Variants in PRTG observed in about 807,000 individuals in gnomAD.
PRTG encodes the protein protogenin.
A neutral mutation model predicts 122.5 loss-of-function variants in PRTG; 67 were observed. The observed-to-expected ratio is 0.55, with a 90% CI of 0.45 to 0.67. The LOEUF is 0.67. Ranked by LOEUF, PRTG falls within the 30% of genes least tolerant of loss-of-function variation. The pLI is 0.00. For synonymous variants in PRTG, 554 were observed against 501.1 expected, an observed-to-expected ratio of 1.11 and a Z score of -1.41; for missense variants, 1,435 against 1,415.4, an observed-to-expected ratio of 1.01 and a Z score of -0.22.
At chr15:55,686,846 T>A (rs1228559686) in intron 2 of PRTG, among the ~76,000 whole-genome samples, 1 of 152,242 alleles carries the variant, frequency 6.6e-6, no homozygotes, top group Non-Finnish European at 1.5e-5. Context: ...TTGGTCCCTT[T>A]GTCCACCTGA....
chr15:55,680,006 A>T (rs888016324), intron 6 of PRTG, 48 bp downstream of exon 6: 1 of 1,511,388 alleles, frequency 6.6e-7, no homozygotes, highest in Non-Finnish European at 9.1e-7. Flanking sequence ...TAAAACGGCA[A>T]ATGTTAAAAT....
chr15:55,716,736 C>T (rs1281398106), intron 2 of PRTG, among the ~76,000 whole-genome samples: 1 of 152,168 alleles, frequency 6.6e-6, no homozygotes, highest in African/African-American at 2.4e-5. Flanking sequence ...CACCACTCAG[C>T]AGTTATCTTA....
At chr15:55,687,735 C>G (rs1030756292) in intron 2 of PRTG, among the ~76,000 whole-genome samples, 4 of 152,162 alleles carry the variant, frequency 2.6e-5, no homozygotes, top group African/African-American at 9.7e-5. Flanking sequence ...TTAATCCTCA[C>G]AAACACCTTT....
At position 55,620,702 on chromosome 15, in the gene PRTG, C is replaced by T; in HGVS notation, c.3159G>A (p.Trp1053Ter). Residue 1053 changes from tryptophan (W) to a stop codon, truncating the protein, a stop_gained, in exon 19 of 20, where the codon TGG (tryptophan) becomes TGA (stop). Coordinates refer to ENST00000389286, the MANE Select transcript of PRTG (RefSeq NM_173814.6). LOFTEE classifies it high-confidence loss of function. Reference protein sequence around the residue: ...PIIKNNSKKKWFFFQDSKKIQ... With the variant: ...PIIKNNSKKK Reference sequence around the variant, plus strand: ...TCTTCTTTGAGTCTTGGAAAAAAAACCACTTTTTCTTAGAGTTGTTTTTAA... The same window carrying T: ...TCTTCTTTGAGTCTTGGAAAAAAAATCACTTTTTCTTAGAGTTGTTTTTAA... 6.2e-7 allele frequency: 1 copy of T among 1,601,808 alleles called. No individual in the cohort carries two copies. The highest frequency in any genetic ancestry group is 8.5e-7 in the Non-Finnish European group (1 of 1,177,160).
At chr15:55,669,483 G>A (rs1431499501) in intron 11 of PRTG, among the ~76,000 whole-genome samples, 2 of 152,146 alleles carry the variant, frequency 1.3e-5, no homozygotes, top group Non-Finnish European at 2.9e-5. Context: ...ATGGTCAGTT[G>A]TCCAGTTAAC....
chr15:55,637,230 T>C lies in PRTG; in HGVS notation c.2563A>G (p.Ile855Val). The change falls in exon 15 of 20, where the codon ATC (isoleucine) becomes GTC (valine). Residue 855 changes from isoleucine to valine, a missense_variant. Ile to Val is a conservative substitution (Grantham distance 29). Transcript: ENST00000389286. Reference protein sequence around the residue: ...GPETVVTRYTILYASRKAWIA... With the variant: ...GPETVVTRYTVLYASRKAWIA... ...CAGGCCTTCCTAGATGCATATAAGA[T>C]AGTATAGCGGGTCACAACTGTTTCT... 6.2e-7 allele frequency: 1 copy of C among 1,613,876 alleles called. No individual in the cohort carries two copies. The highest frequency in any genetic ancestry group is 1.3e-5 in the African/African-American group (1 of 75,004).
At chr15:55,683,970 G>T in intron 2 of PRTG, 39 bp from the exon 3 acceptor site, 1 of 1,559,992 alleles carries the variant, frequency 6.4e-7, no homozygotes, top group Non-Finnish European at 8.8e-7. Flanking sequence ...ATAAGTGCAT[G>T]AAAATAACAC....
intron 16 of PRTG, among the ~76,000 whole-genome samples, chr15:55,627,464 C>T (rs964724217): frequency 3.3e-5 from 5 of 149,870 alleles, no homozygotes; most frequent in Non-Finnish European, 4.4e-5. Context: ...GCTGGGACTA[C>T]AGGCACCCAC....
intron 15 of PRTG, among the ~76,000 whole-genome samples, chr15:55,633,372 A>G (rs908017745): frequency 1.3e-5 from 2 of 151,992 alleles, no homozygotes; most frequent in African/African-American, 2.4e-5. Context: ...ACCACGCCCT[A>G]TAATTTTTTA....
intron 2 of PRTG, among the ~76,000 whole-genome samples, chr15:55,712,091 AAGGCATCCCC>A (rs1465929082): frequency 6.6e-6 from 1 of 152,226 alleles, no homozygotes; most frequent in Non-Finnish European, 1.5e-5. Flanking sequence ...TGAAGCAATG[AAGGCATCCCC>A]AGGCCTCAAA....
intron 11 of PRTG, among the ~76,000 whole-genome samples, chr15:55,663,044 CT>C (rs2059418621): frequency 6.6e-6 from 1 of 152,214 alleles, no homozygotes; most frequent in Admixed American, 6.5e-5. Flanking sequence ...GGTCTTACTT[CT>C]CAAAGCCCTA....
chr15:55,622,138 A>C, intron 18 of PRTG, among the ~76,000 whole-genome samples: 1 of 143,320 alleles, frequency 7.0e-6, no homozygotes, highest in Admixed American at 7.1e-5. Context: ...CATCCTCCCC[A>C]CTCTGCTTCT....
intron 12 of PRTG, among the ~76,000 whole-genome samples, chr15:55,640,592 G>T (rs1280804431): frequency 6.6e-6 from 1 of 152,114 alleles, no homozygotes; most frequent in Non-Finnish European, 1.5e-5. Context: ...TAAAAAATTT[G>T]GTATGTAGAT....
chr15:55,720,429 G>A (rs1175063186), intron 2 of PRTG, among the ~76,000 whole-genome samples: 3 of 152,088 alleles, frequency 2.0e-5, no homozygotes, highest in Non-Finnish European at 2.9e-5. Context: ...TAAGGAAACT[G>A]CTTTAAGACT....
chr15:55,731,366 C>CTTTTTTTTTTT (rs10658460), intron 2 of PRTG, among the ~76,000 whole-genome samples: 1 of 103,772 alleles, frequency 9.6e-6, no homozygotes, highest in Non-Finnish European at 1.9e-5. Context: ...CCTTATCATT[C>CTTTTTTTTTTT]TTTTTTTTTT....
chr15:55,664,819 TC>T (rs2059429428), intron 11 of PRTG, among the ~76,000 whole-genome samples: 1 of 151,918 alleles, frequency 6.6e-6, no homozygotes, highest in Non-Finnish European at 1.5e-5. Flanking sequence ...ACTCCTTGAT[TC>T]AGGCAATTCT....
intron 17 of PRTG, 103 bp downstream of exon 17, chr15:55,626,905 G>A: frequency 1.0e-6 from 1 of 998,834 alleles, no homozygotes; most frequent in South Asian, 2.1e-5. Flanking sequence ...TTTAAAGTAG[G>A]AAATCCCAGT....
rs2031676965 is a variant in PRTG at position 55,743,134 on chromosome 15, G to A, written c.-203C>T. On this transcript the variant is annotated 5_prime_UTR_variant, in exon 1 of 20. Coordinates refer to ENST00000389286, the MANE Select transcript of PRTG (RefSeq NM_173814.6). ...CTCGCGAGAAGCAAGGGGCCTGAGA[G>A]TCCGGCTGGGGGCGGAGTGAGGCGG... 4 of 1,255,250 alleles carry A rather than the reference G, an allele frequency of 3.2e-6. No homozygotes were observed. Among genetic ancestry groups the A allele is most frequent in the Admixed American group, 4.3e-5 (1 of 23,150 alleles). The allele number at this position is 1,255,250 out of a possible 1,614,324, so 77.8% of individuals were successfully genotyped here.
intron 2 of PRTG, among the ~76,000 whole-genome samples, chr15:55,726,087 C>T (rs1327658592): frequency 3.3e-5 from 5 of 152,114 alleles, no homozygotes; most frequent in African/African-American, 4.8e-5. Context: ...GGATTATAGG[C>T]ACGTGCCATG....
Sources: gnomAD v4.1 joint callset for allele counts (sites outside exome capture counted in the v4.1 genomes callset) on GRCh38, gnomAD v4.1.1 for gene constraint, MANE v1.5 for transcripts, NCBI Gene and HGNC (gene_info 2026-07-23, HGNC 2026-07-21) for gene names.